Variants in AFAP1L2 observed in about 807,000 individuals in gnomAD.
The protein encoded by AFAP1L2 is actin filament associated protein 1 like 2, also known as actin filament-associated protein 1-like 2.
Under a neutral mutation model 99.3 loss-of-function variants are expected in AFAP1L2, and 46 were observed. That is an observed-to-expected ratio of 0.46 (90% confidence interval 0.37 to 0.59). The LOEUF (loss-of-function observed/expected upper bound fraction) is 0.59. Ranked by LOEUF, AFAP1L2 falls within the 20% of genes least tolerant of loss-of-function variation. The pLI is 0.00. For synonymous variants in AFAP1L2, 397 were observed against 419.1 expected (o/e 0.95, Z 0.64); for missense variants, 959 against 1,034.9 (o/e 0.93, Z 1.01).
intron 1 of AFAP1L2, among the ~76,000 whole-genome samples, chr10:114,378,575 T>C (rs1004522755): frequency 6.6e-6 from 1 of 152,230 alleles, no homozygotes; most frequent in Non-Finnish European, 1.5e-5. Flanking sequence ...CCTCAAGCAA[T>C]GGAGTCTTGC....
chr10:114,381,198 T>C (rs2055569593), intron 1 of AFAP1L2, among the ~76,000 whole-genome samples: 2 of 152,202 alleles, frequency 1.3e-5, no homozygotes, highest in Admixed American at 1.3e-4. Context: ...TATTAAGCCA[T>C]GAAAAGCAAT....
chr10:114,401,528 G>A (rs1042874345), intron 1 of AFAP1L2, among the ~76,000 whole-genome samples: 3 of 152,154 alleles, frequency 2.0e-5, no homozygotes, highest in East Asian at 1.9e-4. Flanking sequence ...CTTATACAAC[G>A]CCAAAGAGAT....
At chr10:114,392,467 A>G (rs539502496) in intron 1 of AFAP1L2, among the ~76,000 whole-genome samples, 1 of 152,344 alleles carries the variant, frequency 6.6e-6, no homozygotes, top group African/African-American at 2.4e-5. Context: ...TATCCATTGG[A>G]CAGGTCTGGA....
intron 11 of AFAP1L2, among the ~76,000 whole-genome samples, chr10:114,304,214 A>G (rs1418872230): frequency 1.3e-5 from 2 of 152,220 alleles, no homozygotes; most frequent in African/African-American, 4.8e-5. Flanking sequence ...CCATGCGTGG[A>G]AGGGACTCGG....
At position 114,297,356 on chromosome 10, in the gene AFAP1L2, C is replaced by G; in HGVS notation, c.2171G>C (p.Arg724Pro). The G allele has an allele frequency of 6.2e-7, 1 of 1,613,704 alleles. No homozygotes were observed. Among genetic ancestry groups the G allele is most frequent in the Non-Finnish European group, 8.5e-7 (1 of 1,180,016 alleles). Residue 724 changes from arginine (R) to proline (P), a missense_variant, in exon 17 of 19, where the codon CGG becomes CCG. Transcript: ENST00000304129. ...QKLKEIDEEC[R>P]GEESRRVDLE... ...GTCCACGCGCCTGCTCTCCTCGCCC[C>G]GGCACTCCTCGTCAATTTCCTTCAG...
chr10:114,353,763 A>G (rs2050894505), intron 1 of AFAP1L2, among the ~76,000 whole-genome samples: 1 of 152,232 alleles, frequency 6.6e-6, no homozygotes, highest in Non-Finnish European at 1.5e-5. Flanking sequence ...AGCCTGGGAT[A>G]TAATGTCACC....
intron 1 of AFAP1L2, among the ~76,000 whole-genome samples, chr10:114,346,223 C>T (rs1225592235): frequency 6.6e-6 from 1 of 152,136 alleles, no homozygotes. Flanking sequence ...CAGGTCCAGC[C>T]AGGCCCCTTC....
chr10:114,290,200 TGCCTGGCCG>T (rs779971932), downstream of AFAP1L2: 70 of 1,547,310 alleles, frequency 4.5e-5, 1 homozygote, highest in East Asian at 1.6e-3. Flanking sequence ...GTCTAACCCA[TGCCTGGCCG>T]GCCTGGTGGG....
At chr10:114,369,978 G>A (rs2053879959) in intron 1 of AFAP1L2, among the ~76,000 whole-genome samples, 1 of 152,102 alleles carries the variant, frequency 6.6e-6, no homozygotes, top group African/African-American at 2.4e-5. Context: ...CTTTCCTGGA[G>A]TTGAGATACC....
chr10:114,327,172 T>A (rs1351564137), intron 4 of AFAP1L2, among the ~76,000 whole-genome samples: 8 of 75,212 alleles, frequency 1.1e-4, no homozygotes, highest in African/African-American at 3.2e-4. Context: ...TATATATATA[T>A]ATTTTTTTTT....
intron 1 of AFAP1L2, among the ~76,000 whole-genome samples, chr10:114,378,933 C>T (rs142727963): frequency 6.6e-6 from 1 of 151,958 alleles, no homozygotes; most frequent in East Asian, 1.9e-4. Flanking sequence ...CCCATGATAA[C>T]AGGCACAGCA....
At chr10:114,303,220 C>T (rs927979375) in intron 11 of AFAP1L2, among the ~76,000 whole-genome samples, 2 of 152,174 alleles carry the variant, frequency 1.3e-5, no homozygotes, top group African/African-American at 4.8e-5. Context: ...TTGGTATAAC[C>T]CATAGCTCCA....
At chr10:114,375,713 C>A (rs891067690) in intron 1 of AFAP1L2, among the ~76,000 whole-genome samples, 1 of 152,174 alleles carries the variant, frequency 6.6e-6, no homozygotes, top group African/African-American at 2.4e-5. Flanking sequence ...ATAGCTCACA[C>A]CTGTAATTCC....
chr10:114,286,480 G>T, the AFAP1L2 span: 8 of 1,590,152 alleles, frequency 5.0e-6, no homozygotes, highest in South Asian at 3.4e-5. Context: ...TCCCTGAGCT[G>T]CAGGGGAAGC....
intron 2 of AFAP1L2, among the ~76,000 whole-genome samples, chr10:114,339,181 G>A (rs879641920): frequency 1.2e-4 from 18 of 152,218 alleles, no homozygotes; most frequent in African/African-American, 4.3e-4. Flanking sequence ...CACTTAGGCC[G>A]GGCGCGGTGG....
At chr10:114,368,753 T>G (rs1485761011) in intron 1 of AFAP1L2, among the ~76,000 whole-genome samples, 2 of 145,230 alleles carry the variant, frequency 1.4e-5, no homozygotes, top group African/African-American at 2.6e-5. Context: ...AACATGGATC[T>G]TAAGTGTCCT....
intron 1 of AFAP1L2, among the ~76,000 whole-genome samples, chr10:114,386,376 G>A (rs1269273224): frequency 6.6e-6 from 1 of 152,002 alleles, no homozygotes; most frequent in Admixed American, 6.5e-5. Flanking sequence ...ACTCCAGACT[G>A]GGCAACAGAG....
At chr10:114,329,418 G>A (rs72826913) in intron 4 of AFAP1L2, among the ~76,000 whole-genome samples, 2,017 of 152,258 alleles carry the variant, frequency 0.013, 28 homozygotes, top group Middle Eastern at 0.027. Context: ...CACACAGTAC[G>A]CGGTGCTCAT....
At chr10:114,313,429 G>A (rs1564834559) in intron 7 of AFAP1L2, among the ~76,000 whole-genome samples, 2 of 152,066 alleles carry the variant, frequency 1.3e-5, no homozygotes, top group South Asian at 2.1e-4. Context: ...CCACCACTTG[G>A]CAGACGACTT....
Sources: gnomAD v4.1 joint callset for allele counts (sites outside exome capture counted in the v4.1 genomes callset) on GRCh38, gnomAD v4.1.1 for gene constraint, MANE v1.5 for transcripts, NCBI Gene and HGNC (gene_info 2026-07-23, HGNC 2026-07-21) for gene names.